FCHSD2: variants seen among roughly 807,000 people sequenced by gnomAD.
The protein encoded by FCHSD2 is F-BAR and double SH3 domains protein 2.
Under a neutral mutation model 108.1 loss-of-function variants are expected in FCHSD2, and 38 were observed. That is an observed-to-expected ratio of 0.35 (90% CI 0.27 to 0.46). The LOEUF (loss-of-function observed/expected upper bound fraction) is 0.46, where lower values mean the gene tolerates loss of function less well. Ranked by LOEUF, FCHSD2 falls within the 20% of genes least tolerant of loss-of-function variation. The pLI, the probability that FCHSD2 is intolerant of heterozygous loss-of-function variation, is 1.00. For synonymous variants in FCHSD2, 279 were observed against 314.7 expected (o/e 0.89, Z 1.20); for missense variants, 751 against 897.8 (o/e 0.84, Z 2.09).
At chr11:73,120,503 GT>G (rs1379188071) in intron 2 of FCHSD2, among the ~76,000 whole-genome samples, 2 of 152,174 alleles carry the variant, frequency 1.3e-5, no homozygotes, top group African/African-American at 4.8e-5. Context: ...ACCAAGGCAG[GT>G]GGATCACCTG....
In FCHSD2 at chr11:72,994,642, T is replaced by C. The variant is rs535397222; in HGVS notation, c.388-5545A>G. Among the ~76,000 whole-genome samples the C allele has an allele frequency of 2.6e-5, 4 of 152,064 alleles. No homozygotes were observed. In the East Asian group the frequency reaches 7.7e-4, roughly 29 times the overall value. ...TTAGCTGGGTGTGGTGGTGGGCGCC[T>C]GTAGTCCCAGCTACTCGGGAGGCTG... On this transcript the variant is annotated intron_variant, in intron 5 of 19. Transcript: ENST00000409418.
chr11:72,934,002 A>G (rs771577304), intron 8 of FCHSD2, among the ~76,000 whole-genome samples: 7 of 147,274 alleles, frequency 4.8e-5, no homozygotes, highest in Non-Finnish European at 1.0e-4. Flanking sequence ...CCAGCTATTC[A>G]GGAGGCTGAG....
At chr11:72,966,183 T>C (rs564772243) in intron 8 of FCHSD2, among the ~76,000 whole-genome samples, 5 of 77,568 alleles carry the variant, frequency 6.4e-5, no homozygotes, top group South Asian at 5.8e-4. Flanking sequence ...TTTTTTTCAG[T>C]TGGTCTCACT....
At chr11:73,129,493 A>G (rs556614838) in intron 2 of FCHSD2, among the ~76,000 whole-genome samples, 4 of 152,310 alleles carry the variant, frequency 2.6e-5, no homozygotes, top group Admixed American at 6.5e-5. Flanking sequence ...TGAACTGCAC[A>G]TGCAAGGGAT....
intron 3 of FCHSD2, among the ~76,000 whole-genome samples, chr11:73,076,291 T>G (rs1383549345): frequency 6.6e-6 from 1 of 152,184 alleles, no homozygotes; most frequent in Non-Finnish European, 1.5e-5. Context: ...GGAAGCAATC[T>G]AATGTTCACC....
chr11:72,998,409 G>T (rs1362846195), intron 5 of FCHSD2, among the ~76,000 whole-genome samples: 1 of 152,094 alleles, frequency 6.6e-6, no homozygotes, highest in Non-Finnish European at 1.5e-5. Flanking sequence ...AGGTGTGGTG[G>T]CACACGCCTG....
chr11:72,914,868 G>T (rs373288395), intron 9 of FCHSD2, among the ~76,000 whole-genome samples: 6 of 150,548 alleles, frequency 4.0e-5, no homozygotes, highest in Admixed American at 6.6e-5. Flanking sequence ...TGCAACAAAA[G>T]CAAAAATTGA....
chr11:72,882,215 G>A (rs1169927283), intron 12 of FCHSD2, among the ~76,000 whole-genome samples: 2 of 152,002 alleles, frequency 1.3e-5, no homozygotes, highest in Non-Finnish European at 2.9e-5. Flanking sequence ...GGCCAAGGCG[G>A]GTGGATCATG....
At chr11:72,980,740 A>ATG (rs1023713888) in intron 8 of FCHSD2, among the ~76,000 whole-genome samples, 2 of 150,358 alleles carry the variant, frequency 1.3e-5, no homozygotes, top group African/African-American at 4.9e-5. Context: ...ATATGTATAT[A>ATG]TGTGTGTGTA....
chr11:73,117,187 T>A (rs1860624276), intron 2 of FCHSD2, among the ~76,000 whole-genome samples: 1 of 152,224 alleles, frequency 6.6e-6, no homozygotes, highest in Non-Finnish European at 1.5e-5. Flanking sequence ...TATTAACTTA[T>A]TCAATCTTCA....
chr11:72,845,961 A>AT (rs769267934), intron 14 of FCHSD2, among the ~76,000 whole-genome samples: 8 of 152,152 alleles, frequency 5.3e-5, no homozygotes, highest in Non-Finnish European at 1.2e-4. Flanking sequence ...CACAGCACTG[A>AT]TACATGGAAG....
chr11:73,000,925 T>C, intron 5 of FCHSD2, 65 bp downstream of exon 5: 1 of 1,394,028 alleles, frequency 7.2e-7, no homozygotes, highest in Non-Finnish European at 9.8e-7. Flanking sequence ...TAGCATAACC[T>C]TGCAGATTAT....
intron 2 of FCHSD2, among the ~76,000 whole-genome samples, chr11:73,135,363 A>T (rs929356269): frequency 9.2e-5 from 14 of 152,186 alleles, no homozygotes; most frequent in Non-Finnish European, 1.8e-4. Context: ...AAATGAACAA[A>T]CATGATAATA....
intron 12 of FCHSD2, among the ~76,000 whole-genome samples, chr11:72,879,964 A>G (rs1855047122): frequency 6.8e-6 from 1 of 147,552 alleles, no homozygotes; most frequent in African/African-American, 2.5e-5. Flanking sequence ...GCGCCATCGC[A>G]TTCCAGCCTG....
chr11:73,131,720 T>C (rs1266772620), intron 2 of FCHSD2, among the ~76,000 whole-genome samples: 1 of 151,120 alleles, frequency 6.6e-6, no homozygotes, highest in Non-Finnish European at 1.5e-5. Flanking sequence ...AAAAAAAAAT[T>C]AAAAAATTTA....
intron 8 of FCHSD2, among the ~76,000 whole-genome samples, chr11:72,950,743 C>T (rs1304269503): frequency 6.6e-6 from 1 of 152,116 alleles, no homozygotes; most frequent in African/African-American, 2.4e-5. Context: ...ATACTTAACT[C>T]CCACATTATC....
chr11:73,116,813 A>G (rs909151616), intron 2 of FCHSD2, among the ~76,000 whole-genome samples: 2 of 152,198 alleles, frequency 1.3e-5, no homozygotes, highest in Admixed American at 1.3e-4. Flanking sequence ...CACGGATTAC[A>G]GGCATGAGCC....
intron 10 of FCHSD2, among the ~76,000 whole-genome samples, chr11:72,900,721 G>A (rs187523959): frequency 5.5e-4 from 83 of 151,320 alleles, no homozygotes; most frequent in Non-Finnish European, 4.9e-4. Context: ...GTAATATAGA[G>A]GGAAATGCTG....
intron 2 of FCHSD2, among the ~76,000 whole-genome samples, chr11:73,121,930 CCA>C (rs1860743478): frequency 6.6e-6 from 1 of 152,116 alleles, no homozygotes; most frequent in African/African-American, 2.4e-5. Flanking sequence ...ACTTGGAAAA[CCA>C]CACAGTTATA....
Sources: allele counts gnomAD v4.1 joint callset (sites outside exome capture counted in the v4.1 genomes callset), GRCh38; gene constraint gnomAD v4.1.1; transcripts MANE v1.5; gene names NCBI Gene and HGNC (gene_info 2026-07-23, HGNC 2026-07-21).